The following STXBP5L variants were observed in gnomAD, a reference collection of about 807,000 sequenced individuals.
The protein encoded by STXBP5L is syntaxin binding protein 5L.
Under a neutral mutation model 144.5 loss-of-function variants are expected in STXBP5L, and 65 were observed. That is an observed-to-expected ratio of 0.45 (90% confidence interval 0.37 to 0.55). The LOEUF (loss-of-function observed/expected upper bound fraction) is 0.55. Ranked by LOEUF, STXBP5L falls within the 20% of genes least tolerant of loss-of-function variation. STXBP5L has a pLI of 0.00. For missense variants in STXBP5L, 1,298 were observed against 1,405.5 expected, an observed-to-expected ratio of 0.92 and a Z score of 1.22; for synonymous variants, 505 against 469.6, an observed-to-expected ratio of 1.08 and a Z score of -0.97.
chr3:121,293,062 C>A (rs2051506096), intron 19 of STXBP5L, among the ~76,000 whole-genome samples: 1 of 152,084 alleles, frequency 6.6e-6, no homozygotes, highest in African/African-American at 2.4e-5. Context: ...AACACTAAAA[C>A]AACTCAAATT....
intron 20 of STXBP5L, among the ~76,000 whole-genome samples, chr3:121,351,796 C>T (rs1466616681): frequency 2.0e-5 from 3 of 152,096 alleles, no homozygotes; most frequent in Non-Finnish European, 4.4e-5. Context: ...AGGTTTTCTT[C>T]TAGGGCTTTT....
At chr3:121,288,659 T>C (rs1454345667) in intron 19 of STXBP5L, among the ~76,000 whole-genome samples, 2 of 152,184 alleles carry the variant, frequency 1.3e-5, no homozygotes, top group African/African-American at 4.8e-5. Flanking sequence ...GGTGTCTATT[T>C]ATGTCTTTTG....
chr3:121,320,778 T>C (rs1236301431), intron 20 of STXBP5L, among the ~76,000 whole-genome samples: 5 of 151,456 alleles, frequency 3.3e-5, no homozygotes, highest in African/African-American at 9.7e-5. Context: ...CTCAGCTCAC[T>C]GCAACCTCTG....
At chr3:121,134,842 T>G (rs1577037654) in intron 7 of STXBP5L, among the ~76,000 whole-genome samples, 1 of 152,228 alleles carries the variant, frequency 6.6e-6, no homozygotes, top group East Asian at 1.9e-4. Flanking sequence ...TCTTTGCTAT[T>G]GTGAATAGTA....
In STXBP5L at chr3:121,395,689, T is replaced by A. The variant is rs2046710627; in HGVS notation, c.2588-11554T>A. ...CCAATAAGTATAATTGTTCTCTGTG[T>A]CAGCCCTTGTTGAAGGAATACTCAC... On this transcript the variant is annotated intron_variant, in intron 22 of 26. Transcript: ENST00000471454. 5.3e-5 allele frequency among the ~76,000 whole-genome samples: 8 copies of A among 152,240 alleles called. No homozygotes were observed. In the South Asian group the frequency reaches 1.7e-3, roughly 32 times the overall value.
At chr3:121,319,131 T>C (rs936906358) in intron 20 of STXBP5L, among the ~76,000 whole-genome samples, 3 of 152,148 alleles carry the variant, frequency 2.0e-5, no homozygotes, top group African/African-American at 4.8e-5. Flanking sequence ...GTGGTGGGAA[T>C]ATGACTGGTT....
At chr3:121,238,784 T>C (rs1304028554) in intron 12 of STXBP5L, among the ~76,000 whole-genome samples, 187 bp from the exon 13 acceptor site, 1 of 151,610 alleles carries the variant, frequency 6.6e-6, no homozygotes, top group African/African-American at 2.4e-5. Flanking sequence ...CTAGTATTAA[T>C]ATTACATTTT....
At chr3:121,094,357 A>C (rs2042997666) in intron 5 of STXBP5L, among the ~76,000 whole-genome samples, 1 of 152,036 alleles carries the variant, frequency 6.6e-6, no homozygotes, top group Non-Finnish European at 1.5e-5. Context: ...GATCTGTCTA[A>C]TGTTGACAGT....
At chr3:121,297,668 T>C (rs957521018) in intron 19 of STXBP5L, among the ~76,000 whole-genome samples, 4 of 152,058 alleles carry the variant, frequency 2.6e-5, no homozygotes, top group Non-Finnish European at 5.9e-5. Context: ...GCATGAGAAT[T>C]GCTTGAACCC....
At chr3:121,377,568 A>T (rs1355089338) in intron 20 of STXBP5L, among the ~76,000 whole-genome samples, 1 of 152,226 alleles carries the variant, frequency 6.6e-6, no homozygotes, top group Non-Finnish European at 1.5e-5. Flanking sequence ...AAACATATGA[A>T]AAAAGCTCAT....
intron 24 of STXBP5L, 123 bp from the exon 25 acceptor site, chr3:121,415,734 T>G: frequency 1.8e-6 from 1 of 546,446 alleles, no homozygotes; most frequent in Non-Finnish European, 3.1e-6. Flanking sequence ...AAAATCACCA[T>G]GAAAATATAT....
chr3:121,332,644 A>G (rs2044359155), intron 20 of STXBP5L, among the ~76,000 whole-genome samples: 1 of 152,126 alleles, frequency 6.6e-6, no homozygotes, highest in South Asian at 2.1e-4. Context: ...AAACTTAAAA[A>G]TCACTGGTGT....
chr3:121,077,367 G>A (rs975098238), intron 5 of STXBP5L, among the ~76,000 whole-genome samples: 39 of 152,136 alleles, frequency 2.6e-4, no homozygotes, highest in African/African-American at 2.4e-5. Flanking sequence ...GTTCTTAAAG[G>A]CGGAGTGTTC....
intron 7 of STXBP5L, among the ~76,000 whole-genome samples, chr3:121,142,139 A>G: frequency 6.6e-6 from 1 of 152,078 alleles, no homozygotes; most frequent in East Asian, 1.9e-4. Flanking sequence ...CAGACACCAT[A>G]GACTTTAAGT....
intron 19 of STXBP5L, among the ~76,000 whole-genome samples, chr3:121,287,094 A>G (rs2051258194): frequency 6.6e-6 from 1 of 152,210 alleles, no homozygotes; most frequent in African/African-American, 2.4e-5. Context: ...GAACAGGTAA[A>G]GAGCCATCTG....
intron 20 of STXBP5L, among the ~76,000 whole-genome samples, chr3:121,329,915 A>G (rs2044270442): frequency 8.6e-6 from 1 of 115,776 alleles, no homozygotes; most frequent in Non-Finnish European, 2.0e-5. Flanking sequence ...CACATATGAA[A>G]AAAATCTACA....
At chr3:121,163,426 A>AT (rs1337341304) in intron 9 of STXBP5L, among the ~76,000 whole-genome samples, 1 of 148,438 alleles carries the variant, frequency 6.7e-6, no homozygotes, top group Admixed American at 6.7e-5. Context: ...CTCTCGGTGG[A>AT]TGGGGGGCAA....
At chr3:121,253,627 A>ATGTGTATATATATG (rs1319429608) in intron 15 of STXBP5L, among the ~76,000 whole-genome samples, 4 of 148,488 alleles carry the variant, frequency 2.7e-5, no homozygotes, top group Non-Finnish European at 4.5e-5. Context: ...ATACACATAA[A>ATGTGTATATATATG]TATATATACT....
In STXBP5L at chr3:121,019,783, G is replaced by A. The variant is rs1035290050; in HGVS notation, c.288-21917G>A. Among the ~76,000 whole-genome samples the A allele has an allele frequency of 2.6e-5, 4 of 152,166 alleles. No individual in the cohort carries two copies. The East Asian group carries it at 5.8e-4, about 22-fold the overall frequency. On this transcript the variant is annotated intron_variant, in intron 3 of 26. Coordinates refer to ENST00000471454, the MANE Select transcript of STXBP5L (RefSeq NM_001308330.2). ...AAAGAATCTGAACAGCAGCCCTTGA[G>A]TCCCAGATCTTCCCACTGACATAAT... is the stretch of plus-strand genomic sequence containing the variant.
Sources: gnomAD v4.1 joint callset for allele counts (sites outside exome capture counted in the v4.1 genomes callset) on GRCh38, gnomAD v4.1.1 for gene constraint, MANE v1.5 for transcripts, NCBI Gene and HGNC (gene_info 2026-07-23, HGNC 2026-07-21) for gene names.